The following MLLT3 variants were observed in gnomAD, a reference collection of about 807,000 sequenced individuals.
MLLT3 encodes the protein MLLT3 super elongation complex subunit, also known as protein AF-9.
MLLT3 carries 4 observed loss-of-function variants against 53.2 expected under a neutral mutation model. The observed-to-expected ratio is 0.08, with a 90% CI of 0.04 to 0.17. MLLT3 has a LOEUF of 0.17. Ranked by LOEUF, MLLT3 falls within the 10% of genes least tolerant of loss-of-function variation. MLLT3 has a pLI of 1.00. For missense variants in MLLT3, 569 were observed against 684.0 expected (o/e 0.83, Z 1.87); for synonymous variants, 283 against 230.6 (o/e 1.23, Z -2.06).
intron 2 of MLLT3, among the ~76,000 whole-genome samples, chr9:20,607,242 T>C (rs1025715236): frequency 2.6e-5 from 4 of 152,268 alleles, no homozygotes; most frequent in East Asian, 3.9e-4. Context: ...TTTAAAACAA[T>C]TACTTAATTT....
rs56956629 is a variant in MLLT3 at position 20,355,146 on chromosome 9, C to A, written c.1432-267G>T. On this transcript the variant is annotated intron_variant, in intron 8 of 10. Transcript: ENST00000380338. ...CACAGTTGATGATAAGGAAATTGAT[C>A]TAAGCTTCCAAGGCTGCTTCTCTTT... is the stretch of plus-strand genomic sequence containing the variant. 7.5e-3 allele frequency among the ~76,000 whole-genome samples: 1,104 copies of A among 146,664 alleles called. 38 individuals are homozygous for A. The East Asian group carries it at 0.12, about 15-fold the overall frequency.
chr9:20,571,178 G>A (rs1418223622), intron 2 of MLLT3, among the ~76,000 whole-genome samples: 1 of 152,196 alleles, frequency 6.6e-6, no homozygotes, highest in Non-Finnish European at 1.5e-5. Flanking sequence ...TGCTGCAGGT[G>A]AGCTTATAAC....
chr9:20,363,168 T>A (rs962481929), intron 7 of MLLT3: 2 of 247,304 alleles, frequency 8.1e-6, no homozygotes, highest in Non-Finnish European at 1.5e-5. Context: ...CAACACAAAC[T>A]CTTCAAATGA....
intron 4 of MLLT3, among the ~76,000 whole-genome samples, chr9:20,426,486 C>T (rs370209688): frequency 1.0e-3 from 155 of 152,156 alleles, no homozygotes; most frequent in African/African-American, 3.4e-3. Flanking sequence ...CAGTACCTGA[C>T]ACACACAAAT....
intron 2 of MLLT3, among the ~76,000 whole-genome samples, chr9:20,609,969 T>G (rs544146674): frequency 6.6e-6 from 1 of 152,132 alleles, no homozygotes; most frequent in Non-Finnish European, 1.5e-5. Flanking sequence ...ATAACCAATA[T>G]AGCTATTTAA....
At chr9:20,534,290 T>C (rs975241976) in intron 2 of MLLT3, among the ~76,000 whole-genome samples, 3 of 152,206 alleles carry the variant, frequency 2.0e-5, no homozygotes, top group Non-Finnish European at 2.9e-5. Context: ...ATGGCAACGA[T>C]GGGAAAAAGT....
chr9:20,423,433 G>C (rs192775320), intron 4 of MLLT3, among the ~76,000 whole-genome samples: 1 of 152,142 alleles, frequency 6.6e-6, no homozygotes, highest in East Asian at 1.9e-4. Context: ...TTTTTTGGCA[G>C]GTGATTAAAA....
At chr9:20,504,620 G>A (rs1162729554) in intron 2 of MLLT3, among the ~76,000 whole-genome samples, 1 of 151,978 alleles carries the variant, frequency 6.6e-6, no homozygotes, top group Non-Finnish European at 1.5e-5. Context: ...TTGTTCAAAG[G>A]ATATAAAATT....
At chr9:20,500,335 C>A (rs907908353) in intron 2 of MLLT3, among the ~76,000 whole-genome samples, 1 of 152,216 alleles carries the variant, frequency 6.6e-6, no homozygotes, top group Non-Finnish European at 1.5e-5. Flanking sequence ...GGTTTCACAA[C>A]TGAACACCGT....
chr9:20,381,330 T>C (rs1234995357), intron 5 of MLLT3, among the ~76,000 whole-genome samples: 1 of 151,982 alleles, frequency 6.6e-6, no homozygotes, highest in Non-Finnish European at 1.5e-5. Context: ...TCTCCTTGAA[T>C]GTAGTTCCAG....
chr9:20,524,290 T>C (rs1356422928), intron 2 of MLLT3, among the ~76,000 whole-genome samples: 1 of 151,906 alleles, frequency 6.6e-6, no homozygotes, highest in Non-Finnish European at 1.5e-5. Flanking sequence ...TCCTCTAAAT[T>C]TTTAAAAAGT....
intron 2 of MLLT3, among the ~76,000 whole-genome samples, chr9:20,555,872 G>T (rs551327407): frequency 6.6e-6 from 1 of 152,322 alleles, no homozygotes; most frequent in East Asian, 1.9e-4. Context: ...CAAAATTACA[G>T]GAGCATCCAT....
intron 2 of MLLT3, among the ~76,000 whole-genome samples, chr9:20,568,276 G>C (rs886459323): frequency 1.3e-5 from 2 of 152,038 alleles, no homozygotes; most frequent in African/African-American, 4.8e-5. Flanking sequence ...TAATTATTGA[G>C]GCTGAGTACT....
intron 4 of MLLT3, among the ~76,000 whole-genome samples, chr9:20,416,002 T>C (rs936840898): frequency 9.9e-5 from 15 of 151,968 alleles, no homozygotes; most frequent in South Asian, 2.1e-4. Flanking sequence ...GACTTGTTTT[T>C]ATGCACTAAA....
intron 5 of MLLT3, among the ~76,000 whole-genome samples, chr9:20,402,504 C>G (rs1464941955): frequency 6.6e-6 from 1 of 152,070 alleles, no homozygotes; most frequent in Non-Finnish European, 1.5e-5. Context: ...GGAGGAGGAT[C>G]TGGGTTTCGT....
rs572722878 is a variant in MLLT3, at chr9:20,510,031, T to C, written c.194-53245A>G. Reference sequence around the variant, plus strand: ...AAATGTTTTATAAACCCTAAAATTCTATTTTTAAAACCATGAAGGAAAGAC... The same window carrying C: ...AAATGTTTTATAAACCCTAAAATTCCATTTTTAAAACCATGAAGGAAAGAC... On this transcript the variant is annotated intron_variant, in intron 2 of 10. Coordinates refer to ENST00000380338, the MANE Select transcript of MLLT3 (RefSeq NM_004529.4). 3.5e-4 allele frequency among the ~76,000 whole-genome samples: 54 copies of C among 152,308 alleles called. 2 individuals are homozygous for C. The South Asian group carries it at 0.011, about 32-fold the overall frequency.
chr9:20,379,256 A>T (rs1821850814), intron 5 of MLLT3, among the ~76,000 whole-genome samples: 1 of 152,010 alleles, frequency 6.6e-6, no homozygotes, highest in South Asian at 2.1e-4. Context: ...AAAAGCAAAT[A>T]CTCTAACTTG....
At chr9:20,507,514 G>C (rs894248911) in intron 2 of MLLT3, among the ~76,000 whole-genome samples, 2 of 152,066 alleles carry the variant, frequency 1.3e-5, no homozygotes, top group East Asian at 3.8e-4. Flanking sequence ...CTTTAAAAAA[G>C]AGACCCTTAT....
chr9:20,576,727 T>C (rs1819663061), intron 2 of MLLT3, among the ~76,000 whole-genome samples: 1 of 152,158 alleles, frequency 6.6e-6, no homozygotes, highest in South Asian at 2.1e-4. Context: ...AAAATTCTGA[T>C]ATACTGCAAG....
Sources: allele counts gnomAD v4.1 joint callset (sites outside exome capture counted in the v4.1 genomes callset), GRCh38; gene constraint gnomAD v4.1.1; transcripts MANE v1.5; gene names NCBI Gene and HGNC (gene_info 2026-07-23, HGNC 2026-07-21).